Variants in GLB1 observed in about 807,000 individuals in gnomAD.
The protein encoded by GLB1 is galactosidase beta 1, also known as beta-galactosidase.
GLB1 carries 56 observed loss-of-function variants against 74.0 expected under a neutral mutation model. The observed-to-expected ratio is 0.76, with a 90% CI of 0.61 to 0.94. The LOEUF is 0.94. Ranked by LOEUF, GLB1 falls within the 40% of genes least tolerant of loss-of-function variation. GLB1 has a pLI of 0.00. For synonymous variants in GLB1, 323 were observed against 323.6 expected, an observed-to-expected ratio of 1.00 and a Z score of 0.02; for missense variants, 787 against 845.5, an observed-to-expected ratio of 0.93 and a Z score of 0.86.
At chr3:33,002,349 C>CTCCCTCCCTCCG (rs565676769) in intron 15 of GLB1, among the ~76,000 whole-genome samples, 1 of 123,096 alleles carries the variant, frequency 8.1e-6, no homozygotes, top group African/African-American at 2.9e-5. Flanking sequence ...CCCTCCCTCC[C>CTCCCTCCCTCCG]TTCCTTCCTT....
downstream of GLB1, among the ~76,000 whole-genome samples, chr3:32,994,148 T>C (rs1696267528): frequency 1.3e-5 from 2 of 152,154 alleles, no homozygotes; most frequent in African/African-American, 2.4e-5. Context: ...GCATTCTTCA[T>C]AATAGTCAAA....
rs564492284 is a variant in GLB1, at chr3:33,046,045, G to C, written c.1068+75C>G. ...ACAGGAGGGCTCCAGGCAGGAAGTT[G>C]TCCACAGAGCCACAGTGAGTTCAAA... is the stretch of plus-strand genomic sequence containing the variant. On this transcript the variant is annotated intron_variant, in intron 10 of 15. Transcript: ENST00000307363. The C allele has an allele frequency of 2.2e-5, 34 of 1,546,428 alleles. No individual in the cohort carries two copies. In the African/African-American group the frequency reaches 3.4e-4, roughly 15 times the overall value.
At chr3:32,993,837 T>C (rs1219933915), downstream of GLB1, among the ~76,000 whole-genome samples, 1 of 151,648 alleles carries the variant, frequency 6.6e-6, no homozygotes, top group Admixed American at 6.6e-5. Context: ...CTGGCCTAAT[T>C]TTTGTATTTT....
At chr3:33,074,384 G>GAA (rs1483456254) in intron 1 of GLB1, among the ~76,000 whole-genome samples, 1 of 121,928 alleles carries the variant, frequency 8.2e-6, no homozygotes, top group African/African-American at 2.9e-5. Flanking sequence ...AAGGAAGGAA[G>GAA]GAAGGAAGAA....
the GLB1 span, among the ~76,000 whole-genome samples, chr3:32,970,079 T>C: frequency 6.6e-6 from 1 of 152,228 alleles, no homozygotes; most frequent in African/African-American, 2.4e-5. Flanking sequence ...TTAAGAGACA[T>C]TATTCCCAGA....
At chr3:33,059,960 G>A (rs574736251) in intron 5 of GLB1, among the ~76,000 whole-genome samples, 137 of 152,262 alleles carry the variant, frequency 9.0e-4, no homozygotes, top group African/African-American at 3.2e-3. Context: ...AGATTGTTAG[G>A]GAAGGTTCCT....
chr3:33,030,557 T>C lies in GLB1; in HGVS notation c.1069-6232A>G, dbSNP rs1332330408. ...GCGTATCAAGCCAATGTCATTCCAG[T>C]CATAAACAGTGCAGGATGATCAATC... On this transcript the variant is annotated intron_variant, in intron 10 of 15. Coordinates refer to ENST00000307363, the MANE Select transcript of GLB1 (RefSeq NM_000404.4). 3 of 985,336 alleles carry C rather than the reference T, an allele frequency of 3.0e-6. No individual in the cohort carries two copies. In the African/African-American group the frequency reaches 5.2e-5, roughly 17 times the overall value. The allele number at this position is 985,336 out of a possible 1,614,324, so 61.0% of individuals were successfully genotyped here.
chr3:32,978,983 T>C, the GLB1 span, among the ~76,000 whole-genome samples: 34,540 of 144,888 alleles, frequency 0.24, 4,757 homozygotes, highest in Middle Eastern at 0.38. Context: ...TTCTTTCTTT[T>C]TTTTTTTTCT....
chr3:33,080,314 A>C (rs892307207), intron 1 of GLB1, among the ~76,000 whole-genome samples: 1 of 152,174 alleles, frequency 6.6e-6, no homozygotes, highest in African/African-American at 2.4e-5. Flanking sequence ...TCCTGACCTC[A>C]GGTAATCCGC....
At chr3:33,092,445 CA>C in intron 1 of GLB1, 1 of 1,007,722 alleles carries the variant, frequency 9.9e-7, no homozygotes, top group South Asian at 4.5e-5. Context: ...TTTAAAACAC[CA>C]GGAGAAAAAT....
the GLB1 span, among the ~76,000 whole-genome samples, chr3:32,973,059 G>A: frequency 6.6e-6 from 1 of 152,294 alleles, no homozygotes; most frequent in South Asian, 2.1e-4. Flanking sequence ...TCTGTAGTAT[G>A]CTTCCCCCTG....
intron 1 of GLB1, chr3:33,077,423 G>T: frequency 1.1e-6 from 1 of 922,528 alleles, no homozygotes; most frequent in Non-Finnish European, 1.7e-6. Flanking sequence ...AGACACACCT[G>T]CTCAGTTGGA....
chr3:33,092,989 C>G, intron 1 of GLB1: 1 of 1,614,210 alleles, frequency 6.2e-7, no homozygotes, highest in Non-Finnish European at 8.5e-7. Context: ...AGATAGGCTG[C>G]TACGTTCAAG....
At chr3:33,029,554 T>C (rs942924572) in intron 10 of GLB1, among the ~76,000 whole-genome samples, 2 of 152,058 alleles carry the variant, frequency 1.3e-5, no homozygotes, top group Non-Finnish European at 2.9e-5. Flanking sequence ...TCAACCTAAA[T>C]GACAATCAAT....
chr3:33,096,399 C>T (rs1440378503), intron 1 of GLB1: 2 of 479,918 alleles, frequency 4.2e-6, no homozygotes, highest in Non-Finnish European at 5.4e-6. Flanking sequence ...CCTGCCTATT[C>T]CCCCCCTCAA....
chr3:33,005,677 G>A (rs529434781), intron 15 of GLB1, among the ~76,000 whole-genome samples: 17 of 152,196 alleles, frequency 1.1e-4, no homozygotes, highest in Admixed American at 5.9e-4. Context: ...AATTTTTTTT[G>A]TAGAGATGAG....
At chr3:32,988,443 AC>A in the GLB1 span, among the ~76,000 whole-genome samples, 1 of 152,226 alleles carries the variant, frequency 6.6e-6, no homozygotes, top group Non-Finnish European at 1.5e-5. Flanking sequence ...TACATATGTT[AC>A]TATTCAGATA....
the GLB1 span, among the ~76,000 whole-genome samples, chr3:32,984,301 C>T: frequency 2.0e-5 from 3 of 151,920 alleles, no homozygotes; most frequent in Admixed American, 6.6e-5. Context: ...AATTCAAGGG[C>T]GTTGCTCAGG....
chr3:33,014,215 C>A lies in GLB1; in HGVS notation c.1575G>T (p.Gly525=). Residue 525 remains glycine (G), a synonymous_variant, in exon 15 of 16, where the codon GGG becomes GGT. Transcript: ENST00000307363. ...GGCCACTGTCACGGTGTCCCCAGCC[C>A]CCCAGGTGGCTGCACACTGCATCCT... is the stretch of plus-strand genomic sequence containing the variant. ...DTEDAVCSHL[G]GWGHRDSGHH... 2 of 1,614,150 alleles carry A rather than the reference C, an allele frequency of 1.2e-6. No individual in the cohort carries two copies. Among genetic ancestry groups the A allele is most frequent in the African/African-American group, 1.3e-5 (1 of 75,026 alleles).
Sources: allele counts gnomAD v4.1 joint callset (sites outside exome capture counted in the v4.1 genomes callset), GRCh38; gene constraint gnomAD v4.1.1; transcripts MANE v1.5; gene names NCBI Gene and HGNC (gene_info 2026-07-23, HGNC 2026-07-21).